CA4: variants seen among roughly 807,000 people sequenced by gnomAD.
CA4 encodes carbonic anhydrase 4.
In CA4, 24 loss-of-function variants were observed where a neutral mutation model predicts 34.5. The observed-to-expected ratio is 0.70, with a 90% CI of 0.50 to 0.98. The LOEUF (loss-of-function observed/expected upper bound fraction) is 0.98. CA4 is among the 50% of genes least tolerant of loss of function. CA4 has a pLI of 0.00. For missense variants in CA4, 394 were observed against 396.7 expected, an observed-to-expected ratio of 0.99 and a Z score of 0.06; for synonymous variants, 178 against 170.6, an observed-to-expected ratio of 1.04 and a Z score of -0.34.
chr17:60,156,525 AC>A (rs1422848637), intron 2 of CA4, 34 bp from the exon 3 acceptor site: 6 of 1,612,754 alleles, frequency 3.7e-6, no homozygotes, highest in Non-Finnish European at 5.1e-6. Context: ...GGTGCCAGGC[AC>A]CCGACTCTCA....
chr17:60,175,082 AG>A (rs1373500468), downstream of CA4, among the ~76,000 whole-genome samples: 1 of 152,064 alleles, frequency 6.6e-6, no homozygotes, highest in African/African-American at 2.4e-5. Flanking sequence ...GCTGGAATGC[AG>A]TGGCACAATC....
intron 2 of CA4, among the ~76,000 whole-genome samples, chr17:60,155,615 C>G (rs2083668221): frequency 6.6e-6 from 1 of 151,384 alleles, no homozygotes; most frequent in Non-Finnish European, 1.5e-5. Flanking sequence ...CACAAGCACA[C>G]ACTCAAACAC....
chr17:60,174,367 T>C (rs1396795473), downstream of CA4, among the ~76,000 whole-genome samples: 1 of 151,904 alleles, frequency 6.6e-6, no homozygotes, highest in Non-Finnish European at 1.5e-5. Context: ...GGATACTTTG[T>C]ATTAATATCT....
At chr17:60,163,485 T>G (rs776372373), downstream of CA4, among the ~76,000 whole-genome samples, 7 of 152,170 alleles carry the variant, frequency 4.6e-5, no homozygotes, top group Non-Finnish European at 7.4e-5. Context: ...CTGTCCCCGG[T>G]GACCTCAGAA....
Position 60,156,622 on chromosome 17 carries a change from A to G in CA4, c.175A>G (p.Thr59Ala), listed in dbSNP as rs777058664. The change falls in exon 3 of 8, where the codon ACC becomes GCC. Residue 59 changes from threonine (T) to alanine (A), a missense_variant. Thr to Ala is a moderately conservative substitution (Grantham distance 58). Coordinates refer to ENST00000300900, the MANE Select transcript of CA4 (RefSeq NM_000717.5). The stretch of plus-strand genomic sequence containing the variant: ...CCAGTCCCCCATCAACATCGTCACC[A>G]CCAAGGCAAAGGTGGACAAAAAACT... Reference protein sequence around the residue: ...DRQSPINIVTTKAKVDKKLGR... With the variant: ...DRQSPINIVTAKAKVDKKLGR... 3.1e-6 allele frequency: 5 copies of G among 1,613,982 alleles called. No individual in the cohort carries two copies. The African/African-American group carries it at 6.7e-5, about 22-fold the overall frequency.
chr17:60,158,629 T>C (rs1047893692), intron 7 of CA4, 183 bp downstream of exon 7: 25 of 645,672 alleles, frequency 3.9e-5, no homozygotes, highest in Middle Eastern at 4.2e-4. Flanking sequence ...CATCACCAGA[T>C]TGGGGGCTAG....
downstream of CA4, among the ~76,000 whole-genome samples, chr17:60,162,666 T>C (rs572084341): frequency 3.8e-4 from 58 of 152,066 alleles, no homozygotes; most frequent in Non-Finnish European, 4.6e-4. Context: ...CACCCTGACT[T>C]CTCTGAGGGT....
chr17:60,153,354 T>C (rs1427455601), intron 1 of CA4, among the ~76,000 whole-genome samples: 2 of 152,234 alleles, frequency 1.3e-5, no homozygotes, highest in East Asian at 3.9e-4. Context: ...AATAATAATA[T>C]CAATTCTTGG....
intron 5 of CA4, among the ~76,000 whole-genome samples, chr17:60,164,840 A>G (rs1409406192): frequency 2.6e-5 from 4 of 151,980 alleles, no homozygotes; most frequent in African/African-American, 4.8e-5. Flanking sequence ...ACGACACAGA[A>G]GCCAAGAGAG....
At chr17:60,175,912 G>A in the CA4 span, among the ~76,000 whole-genome samples, 2 of 151,186 alleles carry the variant, frequency 1.3e-5, no homozygotes, top group African/African-American at 2.4e-5. Context: ...TGCCTCCCGG[G>A]TTCAAGCAAT....
downstream of CA4, among the ~76,000 whole-genome samples, chr17:60,173,541 T>G (rs1212669821): frequency 6.6e-6 from 1 of 152,240 alleles, no homozygotes; most frequent in African/African-American, 2.4e-5. Context: ...GTGTCTGATG[T>G]CATCAGTCAG....
In CA4 at chr17:60,157,472, T is replaced by C; in HGVS notation, c.314T>C (p.Leu105Pro). The change falls in exon 4 of 8, where the codon CTG becomes CCG. Residue 105 changes from leucine (L) to proline (P), a missense_variant. Transcript: ENST00000300900. The part of the protein sequence containing the change: ...ENKASISGGG[L>P]PAPYQAKQLH... ...AAGGCCAGCATTTCTGGAGGAGGAC[T>C]GCCTGCCCCATACCAGGCCAAACAG... is the stretch of plus-strand genomic sequence containing the variant. The C allele has an allele frequency of 6.2e-7, 1 of 1,614,158 alleles. No homozygotes were observed. The highest frequency in any genetic ancestry group is 1.1e-5 in the South Asian group (1 of 91,084).
intron 1 of CA4, among the ~76,000 whole-genome samples, chr17:60,152,081 G>A (rs565298141): frequency 3.3e-4 from 50 of 152,204 alleles, no homozygotes; most frequent in African/African-American, 1.2e-3. Flanking sequence ...CAGTCAGTGT[G>A]GGGGGCAGTA....
At chr17:60,155,736 A>T (rs1008761052) in intron 2 of CA4, among the ~76,000 whole-genome samples, 2 of 152,084 alleles carry the variant, frequency 1.3e-5, no homozygotes, top group Non-Finnish European at 2.9e-5. Context: ...ACCAGGGAGC[A>T]TAGAGTGACC....
rs771703329 is a variant in CA4 at position 60,159,345 on chromosome 17, C to G, written c.860C>G (p.Pro287Arg). The change falls in exon 8 of 8, where the codon CCG (proline) becomes CGG (arginine). Residue 287 changes from proline to arginine, a missense_variant. Pro to Arg is a moderately radical substitution (Grantham distance 103). Transcript: ENST00000300900. ...GQRTVIKSGA[P>R]GRPLPWALPA... is the part of the protein sequence containing the mutation. ...CGCACGGTGATAAAGTCCGGGGCCC[C>G]GGGTCGGCCGCTGCCCTGGGCCCTG... 3 of 1,609,210 alleles carry G rather than the reference C, an allele frequency of 1.9e-6. No individual in the cohort carries two copies. In the South Asian group the frequency reaches 3.3e-5, roughly 18 times the overall value.
intron 2 of CA4, 152 bp downstream of exon 2, chr17:60,155,519 ACACACT>A (rs150385490): frequency 4.9e-5 from 31 of 634,916 alleles, no homozygotes; most frequent in Non-Finnish European, 6.5e-5. Flanking sequence ...ACACACACAC[ACACACT>A]CTCTCTCTCT....
chr17:60,164,216 T>TTCTTTC (rs770149149), downstream of CA4, among the ~76,000 whole-genome samples: 9 of 145,934 alleles, frequency 6.2e-5, no homozygotes, highest in Non-Finnish European at 1.1e-4. Context: ...CTTTTTTTCT[T>TTCTTTC]TCTTTCTCTT....
chr17:60,178,226 T>C, the CA4 span, among the ~76,000 whole-genome samples: 1 of 152,228 alleles, frequency 6.6e-6, no homozygotes, highest in Admixed American at 6.5e-5. Flanking sequence ...TTATAGCCCT[T>C]AGAGCCATCA....
At chr17:60,150,429 T>C (rs2083570217) in intron 1 of CA4, among the ~76,000 whole-genome samples, 1 of 151,482 alleles carries the variant, frequency 6.6e-6, no homozygotes, top group African/African-American at 2.4e-5. Context: ...TGCCAGCACG[T>C]TGGGAGGCAG....
Sources: gnomAD v4.1 joint callset for allele counts (sites outside exome capture counted in the v4.1 genomes callset) on GRCh38, gnomAD v4.1.1 for gene constraint, MANE v1.5 for transcripts, NCBI Gene and HGNC (gene_info 2026-07-23, HGNC 2026-07-21) for gene names.